PTPRN2: variants seen among roughly 807,000 people sequenced by gnomAD.
PTPRN2 encodes protein tyrosine phosphatase receptor type N2, also known as receptor-type tyrosine-protein phosphatase N2.
In PTPRN2, 74 loss-of-function variants were observed where a neutral mutation model predicts 118.8. That is an observed-to-expected ratio of 0.62 (90% CI 0.52 to 0.76). PTPRN2 has a LOEUF of 0.76. Among genes scored for constraint, PTPRN2 ranks in the 30% least tolerant of loss-of-function variants. PTPRN2 has a pLI of 0.00. For synonymous variants in PTPRN2, 641 were observed against 608.0 expected, an observed-to-expected ratio of 1.05 and a Z score of -0.80; for missense variants, 1,481 against 1,394.4, an observed-to-expected ratio of 1.06 and a Z score of -0.99.
rs146080118 is a variant in PTPRN2 at position 158,207,750 on chromosome 7, A to C, written c.278-2477T>G. Among the ~76,000 whole-genome samples the C allele has an allele frequency of 2.9e-3, 437 of 152,324 alleles. 4 individuals are homozygous for C. The highest frequency in any genetic ancestry group is 0.01 in the African/African-American group (418 of 41,570). The stretch of plus-strand genomic sequence containing the variant: ...CACCAACAAACATCCAAGAGCATCA[A>C]GACTATCCAGGAAAACATGACCTCA... On this transcript the variant is annotated intron_variant, in intron 3 of 22. Coordinates refer to ENST00000389418, the MANE Select transcript of PTPRN2 (RefSeq NM_002847.5).
At chr7:157,659,775 C>T (rs931965767) in intron 13 of PTPRN2, among the ~76,000 whole-genome samples, 75 of 152,230 alleles carry the variant, frequency 4.9e-4, no homozygotes, top group African/African-American at 1.7e-3. Flanking sequence ...TATGGAGCCT[C>T]ACTCTGTCTC....
In PTPRN2 at chr7:157,787,435, G is replaced by A. The variant is rs908001784; in HGVS notation, c.1789-104498C>T. Among the ~76,000 whole-genome samples the A allele has an allele frequency of 2.0e-5, 3 of 152,046 alleles. No individual in the cohort carries two copies. Among genetic ancestry groups the A allele is most frequent in the East Asian group, 1.9e-4 (1 of 5,160 alleles). ...GCAGCAGCCGGTGGGCCTGGGGGGC[G>A]CGTGGACTCCCAGCTGTTGCTGTGC... On this transcript the variant is annotated intron_variant, in intron 12 of 22. Coordinates refer to ENST00000389418, the MANE Select transcript of PTPRN2 (RefSeq NM_002847.5). This position sits in a 1 kb window ranked among gnomAD's most constrained non-coding sequence, Gnocchi z 5.3.
At chr7:157,862,601 C>T (rs1201439238) in intron 12 of PTPRN2, 1 of 152,260 alleles carries the variant, frequency 6.6e-6, no homozygotes, top group East Asian at 1.9e-4. Flanking sequence ...TTTAAAATGC[C>T]TTGAGAGTGG....
intron 6 of PTPRN2, among the ~76,000 whole-genome samples, chr7:158,160,053 G>A (rs1302676145): frequency 6.6e-6 from 1 of 152,196 alleles, no homozygotes; most frequent in Non-Finnish European, 1.5e-5. Flanking sequence ...ATCCTGCTGG[G>A]TGGAGCTATT....
chr7:158,458,230 C>G (rs541923556), intron 2 of PTPRN2, among the ~76,000 whole-genome samples: 1 of 152,262 alleles, frequency 6.6e-6, no homozygotes, highest in Admixed American at 6.5e-5. Flanking sequence ...GTTATTTCCC[C>G]GACATCTGGT....
At chr7:157,806,887 C>T (rs1229332658) in intron 12 of PTPRN2, among the ~76,000 whole-genome samples, 2 of 152,264 alleles carry the variant, frequency 1.3e-5, no homozygotes, top group East Asian at 1.9e-4. Context: ...CATGCACAGC[C>T]TCTATCCCAT....
Position 158,167,108 on chromosome 7 carries a change from C to A in PTPRN2, c.733G>T (p.Ala245Ser). Residue 245 changes from alanine to serine, a missense_variant, in exon 6 of 23, where the codon GCC becomes TCC. This residue lies in a region of PTPRN2 where 1,115 missense variants were observed against 994.2 expected (regional missense o/e 1.12). Coordinates refer to ENST00000389418, the MANE Select transcript of PTPRN2 (RefSeq NM_002847.5). ...CTCTGGGCAGCATAGGCACTGAGGG[C>A]CGCCATCAGATGGTGTCTGTCCACA... ...SGVDRHHLMA[A>S]LSAYAAQRPP... is the part of the protein sequence containing the mutation. 1 of 1,613,178 alleles carries A rather than the reference C, an allele frequency of 6.2e-7. No individual in the cohort carries two copies.
chr7:158,471,972 G>A (rs867317704), intron 2 of PTPRN2, among the ~76,000 whole-genome samples: 6 of 151,736 alleles, frequency 4.0e-5, no homozygotes, highest in South Asian at 2.1e-4. Flanking sequence ...TCATGCTTCC[G>A]GCCCCGCCAC....
At chr7:158,065,586 G>A (rs1024160573) in intron 11 of PTPRN2, among the ~76,000 whole-genome samples, 2 of 152,220 alleles carry the variant, frequency 1.3e-5, no homozygotes, top group Non-Finnish European at 2.9e-5. Flanking sequence ...GACCCGGGGG[G>A]AGGGCAGGGG....
chr7:158,403,985 A>G (rs1046882751), intron 2 of PTPRN2, among the ~76,000 whole-genome samples: 2 of 152,264 alleles, frequency 1.3e-5, no homozygotes, highest in Non-Finnish European at 1.5e-5. Flanking sequence ...TGTCCTTACC[A>G]AAGAAAAGGA....
At chr7:158,324,940 A>G (rs1803364408) in intron 2 of PTPRN2, among the ~76,000 whole-genome samples, 1 of 152,210 alleles carries the variant, frequency 6.6e-6, no homozygotes, top group Non-Finnish European at 1.5e-5. Context: ...GCCCTAGAGG[A>G]TATCCTAGGA....
intron 11 of PTPRN2, among the ~76,000 whole-genome samples, chr7:157,904,971 T>A (rs1219839272): frequency 6.6e-6 from 1 of 152,182 alleles, no homozygotes; most frequent in East Asian, 1.9e-4. Flanking sequence ...CCCCGACACC[T>A]CCCGACATTA....
At chr7:158,127,035 C>T (rs573003710) in intron 9 of PTPRN2, among the ~76,000 whole-genome samples, 3 of 152,318 alleles carry the variant, frequency 2.0e-5, no homozygotes, top group East Asian at 1.9e-4. Flanking sequence ...AAAGTTTTGT[C>T]ATAAGAAACA....
chr7:158,522,558 C>G (rs1563390787), intron 1 of PTPRN2, among the ~76,000 whole-genome samples: 2 of 151,888 alleles, frequency 1.3e-5, no homozygotes, highest in African/African-American at 4.8e-5. Flanking sequence ...TCTGGCACCA[C>G]TGTGTGTGTA....
chr7:157,978,621 C>T (rs1802918195), intron 11 of PTPRN2, among the ~76,000 whole-genome samples: 1 of 151,880 alleles, frequency 6.6e-6, no homozygotes, highest in Non-Finnish European at 1.5e-5. Context: ...AAGCAGAAGC[C>T]AGAACTAGAC....
intron 10 of PTPRN2, among the ~76,000 whole-genome samples, chr7:158,092,101 G>C (rs941682766): frequency 6.6e-6 from 1 of 150,466 alleles, no homozygotes; most frequent in Non-Finnish European, 1.5e-5. Flanking sequence ...TGAGGGATAG[G>C]TGATAGATGG....
chr7:158,114,280 C>T (rs1419344864), intron 9 of PTPRN2, among the ~76,000 whole-genome samples: 2 of 152,136 alleles, frequency 1.3e-5, no homozygotes, highest in Non-Finnish European at 2.9e-5. Context: ...CACCCTCCAG[C>T]GTTTCGGAGT....
chr7:158,333,433 G>C lies in PTPRN2; in HGVS notation c.164-16501C>G, dbSNP rs1190669470. Among the ~76,000 whole-genome samples the C allele has an allele frequency of 2.1e-5, 3 of 144,132 alleles. 1 individual carries two copies. The highest frequency in any genetic ancestry group is 4.5e-5 in the Non-Finnish European group (3 of 66,824). The allele number at this position is 144,132 out of a possible 152,430, so 94.6% of individuals were successfully genotyped here. On this transcript the variant is annotated intron_variant, in intron 2 of 22. Coordinates refer to ENST00000389418, the MANE Select transcript of PTPRN2 (RefSeq NM_002847.5). ...TCACACCCACACTGTCACCATAAGAGGTGACACCTGCAGACGTCTCTCACA... is the reference window on the plus strand; with the variant it reads ...TCACACCCACACTGTCACCATAAGACGTGACACCTGCAGACGTCTCTCACA...
chr7:158,328,162 T>C (rs572219717), intron 2 of PTPRN2, among the ~76,000 whole-genome samples: 1 of 152,218 alleles, frequency 6.6e-6, no homozygotes, highest in Non-Finnish European at 1.5e-5. Context: ...GAGTAGAAAC[T>C]GCTGTCATGG....
Sources: allele counts gnomAD v4.1 joint callset (sites outside exome capture counted in the v4.1 genomes callset), GRCh38; gene constraint gnomAD v4.1.1; regional missense constraint gnomAD v4.1.1; non-coding constraint Gnocchi (gnomAD v3.1); transcripts MANE v1.5; gene names NCBI Gene and HGNC (gene_info 2026-07-23, HGNC 2026-07-21).